The following STX7 variants were observed in gnomAD, a reference collection of about 807,000 sequenced individuals.
STX7 encodes syntaxin-7.
In STX7, 34 loss-of-function variants were observed where a neutral mutation model predicts 39.6. The ratio of observed to expected loss-of-function variants is 0.86; its 90% CI spans 0.65 to 1.14. The LOEUF (loss-of-function observed/expected upper bound fraction) is 1.14, where lower values mean the gene tolerates loss of function less well. Ranked by LOEUF, STX7 falls within the 50% of genes most tolerant of loss-of-function variation. The pLI, the probability that STX7 is intolerant of heterozygous loss-of-function variation, is 0.00. For missense variants in STX7, 284 were observed against 310.4 expected (o/e 0.92, Z 0.64); for synonymous variants, 119 against 99.1 (o/e 1.20, Z -1.19).
intron 2 of STX7, among the ~76,000 whole-genome samples, chr6:132,489,412 G>A (rs1462050213): frequency 6.6e-6 from 1 of 152,044 alleles, no homozygotes; most frequent in Non-Finnish European, 1.5e-5. Context: ...GAAAAACCAA[G>A]AAAAGTGTAT....
intron 2 of STX7, among the ~76,000 whole-genome samples, chr6:132,489,685 C>T (rs1775228645): frequency 6.6e-6 from 1 of 152,186 alleles, no homozygotes; most frequent in Admixed American, 6.5e-5. Flanking sequence ...CATCCACCCG[C>T]AAGGCCCAAC....
chr6:132,458,790 G>C lies in STX7; in HGVS notation c.*1968C>G, dbSNP rs1393889451. ...ACTTAATATGTTTCTTAAACAAATT[G>C]AAGCCACTAAAGTTCCTGTTTAAAC... On this transcript the variant is annotated 3_prime_UTR_variant, in exon 10 of 10. Transcript: ENST00000367941. The C allele has an allele frequency of 6.6e-6, 1 of 152,066 alleles. No homozygotes were observed. The highest frequency in any genetic ancestry group is 1.9e-4 in the East Asian group (1 of 5,206). The allele number at this position is 152,066 out of a possible 1,614,324, so 9.4% of individuals were successfully genotyped here. A position where few individuals can be genotyped will look rare whatever the true frequency, so the allele number is the denominator to read the frequency against.
chr6:132,479,577 A>C (rs1774965389), intron 2 of STX7, among the ~76,000 whole-genome samples: 1 of 152,200 alleles, frequency 6.6e-6, no homozygotes, highest in African/African-American at 2.4e-5. Flanking sequence ...TATGTCAGTC[A>C]GCCTATCCCT....
chr6:132,499,858 A>AT (rs1413276007), intron 2 of STX7, among the ~76,000 whole-genome samples: 1 of 152,206 alleles, frequency 6.6e-6, no homozygotes, highest in African/African-American at 2.4e-5. Context: ...ATCTCAAAAT[A>AT]TACTTAGTCA....
At chr6:132,467,730 G>A (rs955033156) in intron 8 of STX7, among the ~76,000 whole-genome samples, 7 of 152,112 alleles carry the variant, frequency 4.6e-5, no homozygotes, top group Non-Finnish European at 8.8e-5. Context: ...TATTTCAGTT[G>A]GACCAAATTC....
rs145795294 is a variant in STX7, at chr6:132,492,354, C to T, written c.85+11092G>A. 8.3e-4 allele frequency among the ~76,000 whole-genome samples: 127 copies of T among 152,302 alleles called. 1 individual carries two copies. Among genetic ancestry groups the T allele is most frequent in the Middle Eastern group, 3.4e-3 (1 of 294 alleles). Reference sequence around the variant, plus strand: ...CCAGCACATGCCGGTATGTTTTTGTCATTGTTTCTTTTTGTAACACTTAAC... The same window carrying T: ...CCAGCACATGCCGGTATGTTTTTGTTATTGTTTCTTTTTGTAACACTTAAC... On this transcript the variant is annotated intron_variant, in intron 2 of 9. Coordinates refer to ENST00000367941, the MANE Select transcript of STX7 (RefSeq NM_003569.3).
chr6:132,486,952 C>T (rs1212440014), intron 2 of STX7, among the ~76,000 whole-genome samples: 1 of 152,022 alleles, frequency 6.6e-6, no homozygotes, highest in African/African-American at 2.4e-5. Flanking sequence ...CAGGCATGAA[C>T]CACTGCACCC....
At chr6:132,469,433 A>G (rs1408599650) in intron 7 of STX7, among the ~76,000 whole-genome samples, 1 of 152,190 alleles carries the variant, frequency 6.6e-6, no homozygotes, top group African/African-American at 2.4e-5. Context: ...CTGCAGTAGG[A>G]GGGAGTATGA....
At chr6:132,475,700 A>C (rs1468016289) in intron 2 of STX7, 38 bp from the exon 3 acceptor site, 11 of 1,444,702 alleles carry the variant, frequency 7.6e-6, no homozygotes, top group African/African-American at 1.4e-5. Context: ...ATTGTCACAA[A>C]AGTTAAGGTA....
chr6:132,470,422 A>T (rs1043085252), intron 6 of STX7, 152 bp downstream of exon 6: 13 of 446,564 alleles, frequency 2.9e-5, no homozygotes, highest in Middle Eastern at 6.4e-4. Flanking sequence ...ATTACTTAAA[A>T]TTTTTTTCAA....
At position 132,461,049 on chromosome 6, in the gene STX7, C is replaced by A. The variant is rs77980558; in HGVS notation, c.694-199G>T. Among the ~76,000 whole-genome samples the A allele has an allele frequency of 8.6e-3, 1,303 of 152,176 alleles. 11 individuals are homozygous for A. Among genetic ancestry groups the A allele is most frequent in the Non-Finnish European group, 0.015 (1,030 of 67,982 alleles). ...ATGGCACTATTCTTTCAAAAAAATTCTTGAACTAATGCTACAATTAAGGGA... is the reference window on the plus strand; with the variant it reads ...ATGGCACTATTCTTTCAAAAAAATTATTGAACTAATGCTACAATTAAGGGA... On this transcript the variant is annotated intron_variant, in intron 9 of 9. Coordinates refer to ENST00000367941, the MANE Select transcript of STX7 (RefSeq NM_003569.3).
intron 1 of STX7, among the ~76,000 whole-genome samples, chr6:132,508,182 T>C (rs934793897): frequency 6.6e-6 from 1 of 152,240 alleles, no homozygotes; most frequent in Non-Finnish European, 1.5e-5. Context: ...ACTCATCACC[T>C]GTCTCAAAAC....
intron 2 of STX7, among the ~76,000 whole-genome samples, chr6:132,492,946 G>A (rs1582673364): frequency 6.6e-6 from 1 of 152,172 alleles, no homozygotes; most frequent in Non-Finnish European, 1.5e-5. Context: ...CCAGCAGCAA[G>A]GCAGTGTACT....
At chr6:132,490,002 A>G (rs1775237255) in intron 2 of STX7, among the ~76,000 whole-genome samples, 1 of 152,254 alleles carries the variant, frequency 6.6e-6, no homozygotes, top group South Asian at 2.1e-4. Flanking sequence ...GGAACATTAC[A>G]AGCTGGGTCT....
At chr6:132,461,566 T>C (rs950484811) in intron 9 of STX7, 10 of 334,828 alleles carry the variant, frequency 3.0e-5, no homozygotes, top group Non-Finnish European at 4.9e-5. Flanking sequence ...CACTTCGGCC[T>C]CCCACAGTGC....
At chr6:132,492,192 C>T (rs1269200369) in intron 2 of STX7, among the ~76,000 whole-genome samples, 5 of 152,168 alleles carry the variant, frequency 3.3e-5, no homozygotes, top group Non-Finnish European at 5.9e-5. Context: ...TGCTATTTCC[C>T]CATCTAAAAT....
chr6:132,507,804 T>A (rs1223053292), intron 1 of STX7, among the ~76,000 whole-genome samples: 2 of 152,206 alleles, frequency 1.3e-5, no homozygotes, highest in Non-Finnish European at 2.9e-5. Context: ...AACAAACACA[T>A]TGAATGAAAA....
intron 8 of STX7, among the ~76,000 whole-genome samples, chr6:132,466,371 A>G (rs891441278): frequency 6.6e-6 from 1 of 152,136 alleles, no homozygotes; most frequent in African/African-American, 2.4e-5. Flanking sequence ...TTCTTCTTCA[A>G]CTGTCTGGGC....
At chr6:132,477,809 G>A (rs1273356220) in intron 2 of STX7, among the ~76,000 whole-genome samples, 1 of 152,140 alleles carries the variant, frequency 6.6e-6, no homozygotes, top group African/African-American at 2.4e-5. Flanking sequence ...AGGTTATGAT[G>A]AGGAAAGAGG....
Sources: allele counts gnomAD v4.1 joint callset (sites outside exome capture counted in the v4.1 genomes callset), GRCh38; gene constraint gnomAD v4.1.1; transcripts MANE v1.5; gene names NCBI Gene and HGNC (gene_info 2026-07-23, HGNC 2026-07-21).